Variants in IL1RAPL1 observed in about 807,000 individuals in gnomAD.
The protein encoded by IL1RAPL1 is interleukin-1 receptor accessory protein-like 1.
IL1RAPL1 carries 3 observed loss-of-function variants against 48.4 expected under a neutral mutation model. The ratio of observed to expected loss-of-function variants is 0.06; its 90% CI spans 0.03 to 0.16. The LOEUF (loss-of-function observed/expected upper bound fraction) is 0.16. Among genes scored for constraint, IL1RAPL1 ranks in the 10% least tolerant of loss-of-function variants. The pLI, the probability that IL1RAPL1 is intolerant of heterozygous loss-of-function variation, is 1.00. For synonymous variants in IL1RAPL1, 185 were observed against 187.7 expected (o/e 0.99, Z 0.12); for missense variants, 349 against 530.6 (o/e 0.66, Z 3.36).
intron 2 of IL1RAPL1, among the ~76,000 whole-genome samples, chrX:29,143,468 G>A (rs745724383): frequency 8.9e-6 from 1 of 111,787 alleles, no homozygotes; most frequent in South Asian, 3.7e-4. Flanking sequence ...ACATTAAACA[G>A]AAAATTCCAG....
intron 6 of IL1RAPL1, among the ~76,000 whole-genome samples, chrX:29,917,043 G>A (rs778078922): frequency 4.5e-5 from 5 of 111,614 alleles, no homozygotes; most frequent in South Asian, 3.7e-4. Context: ...TCCCACATTC[G>A]AGACTGAGAA....
At chrX:29,202,321 C>T (rs911839030) in intron 2 of IL1RAPL1, among the ~76,000 whole-genome samples, 2 of 111,839 alleles carry the variant, frequency 1.8e-5, no homozygotes, top group African/African-American at 6.5e-5. Context: ...TACCATCTCA[C>T]ATCAGTCAGA....
At chrX:29,888,895 T>C (rs1335522951) in intron 6 of IL1RAPL1, among the ~76,000 whole-genome samples, 1 of 111,942 alleles carries the variant, frequency 8.9e-6, no homozygotes, top group Admixed American at 9.5e-5. Flanking sequence ...TAAAGGTGTC[T>C]ATGTTTTTCA....
At chrX:29,565,042 C>T (rs1922353147) in intron 5 of IL1RAPL1, among the ~76,000 whole-genome samples, 1 of 111,742 alleles carries the variant, frequency 8.9e-6, no homozygotes, top group Middle Eastern at 4.6e-3. Flanking sequence ...GTCATACTGC[C>T]TTCTCTCGTC....
chrX:29,012,310 A>G (rs1926141554), intron 2 of IL1RAPL1, among the ~76,000 whole-genome samples: 1 of 112,320 alleles, frequency 8.9e-6, no homozygotes, highest in Admixed American at 9.4e-5. Flanking sequence ...TGGGAGGCTG[A>G]GGCGGGTAGA....
intron 2 of IL1RAPL1, among the ~76,000 whole-genome samples, chrX:29,018,267 A>C (rs1262659498): frequency 8.9e-6 from 1 of 112,461 alleles, no homozygotes; most frequent in African/African-American, 3.2e-5. Flanking sequence ...GTAATATTTA[A>C]GGTCCTTCAA....
At chrX:28,915,105 G>A (rs1427938065) in intron 2 of IL1RAPL1, among the ~76,000 whole-genome samples, 1 of 111,584 alleles carries the variant, frequency 9.0e-6, no homozygotes, top group Non-Finnish European at 1.9e-5. Context: ...CTCATAAGGA[G>A]CATGCAGCCT....
chrX:28,705,678 C>A (rs1189375511), intron 1 of IL1RAPL1, among the ~76,000 whole-genome samples: 1 of 111,464 alleles, frequency 9.0e-6, no homozygotes, highest in African/African-American at 3.3e-5. Flanking sequence ...CCCAATGCAT[C>A]TCAGAGGGTG....
chrX:29,089,773 T>TATGCAC (rs1928044197), intron 2 of IL1RAPL1, among the ~76,000 whole-genome samples: 1 of 81,208 alleles, frequency 1.2e-5, no homozygotes, highest in Non-Finnish European at 2.4e-5. Flanking sequence ...TATATATATA[T>TATGCAC]ATATATATAT....
intron 2 of IL1RAPL1, among the ~76,000 whole-genome samples, chrX:29,234,478 G>A (rs896317816): frequency 9.0e-6 from 1 of 111,677 alleles, no homozygotes; most frequent in African/African-American, 3.3e-5. Flanking sequence ...ACCTCCATGA[G>A]ATAGGGTTAT....
chrX:29,702,344 A>T (rs574617134), intron 6 of IL1RAPL1, among the ~76,000 whole-genome samples: 1 of 110,939 alleles, frequency 9.0e-6, no homozygotes, highest in Non-Finnish European at 1.9e-5. Flanking sequence ...GACCATCCAA[A>T]TGGGAGGCTC....
intron 5 of IL1RAPL1, among the ~76,000 whole-genome samples, chrX:29,431,348 A>G (rs757179419): frequency 6.0e-4 from 67 of 111,033 alleles, no homozygotes; most frequent in African/African-American, 2.2e-3. Flanking sequence ...TTGCAAATAA[A>G]TAGTCATAGT....
At chrX:28,600,574 G>T (rs1436789135) in intron 1 of IL1RAPL1, among the ~76,000 whole-genome samples, 1 of 110,537 alleles carries the variant, frequency 9.0e-6, no homozygotes, top group Non-Finnish European at 1.9e-5. Flanking sequence ...GAATTCCAAG[G>T]ATAATAAGAC....
intron 2 of IL1RAPL1, among the ~76,000 whole-genome samples, chrX:28,989,174 G>A (rs1389440110): frequency 1.8e-5 from 2 of 112,160 alleles, no homozygotes; most frequent in African/African-American, 3.2e-5. Context: ...CTGGGATAGC[G>A]CCATCACAAC....
intron 2 of IL1RAPL1, among the ~76,000 whole-genome samples, chrX:29,179,843 A>G (rs1602098664): frequency 9.0e-6 from 1 of 111,296 alleles, no homozygotes; most frequent in Non-Finnish European, 1.9e-5. Flanking sequence ...GTGGTTCTCA[A>G]ATTTTAGTTT....
chrX:29,660,101 AACTC>A (rs752082144), intron 5 of IL1RAPL1, among the ~76,000 whole-genome samples: 1 of 111,089 alleles, frequency 9.0e-6, no homozygotes, highest in South Asian at 3.9e-4. Context: ...ATCTCCTGCG[AACTC>A]ACTCACTATC....
chrX:29,037,362 C>A (rs1926751904), intron 2 of IL1RAPL1, among the ~76,000 whole-genome samples: 1 of 111,558 alleles, frequency 9.0e-6, no homozygotes, highest in Non-Finnish European at 1.9e-5. Flanking sequence ...TTGATATGGT[C>A]AAAGTTAGTT....
chrX:28,626,213 C>T (rs919038701), intron 1 of IL1RAPL1, among the ~76,000 whole-genome samples: 2 of 112,406 alleles, frequency 1.8e-5, no homozygotes, highest in African/African-American at 6.5e-5. Context: ...TCCTAGGAGG[C>T]AGCAAGCTCT....
At chrX:28,605,854 A>G (rs1176800188) in intron 1 of IL1RAPL1, among the ~76,000 whole-genome samples, 2 of 111,097 alleles carry the variant, frequency 1.8e-5, no homozygotes, top group African/African-American at 6.5e-5. Flanking sequence ...AGTTCTTGCC[A>G]TAGGACCTTT....
Sources: allele counts gnomAD v4.1 joint callset (sites outside exome capture counted in the v4.1 genomes callset), GRCh38; gene constraint gnomAD v4.1.1; transcripts MANE v1.5; gene names NCBI Gene and HGNC (gene_info 2026-07-23, HGNC 2026-07-21).